Variants in KIF16B observed in about 807,000 individuals in gnomAD.
The protein encoded by KIF16B is kinesin-like protein KIF16B.
KIF16B carries 98 observed loss-of-function variants against 156.3 expected under a neutral mutation model. The ratio of observed to expected loss-of-function variants is 0.63; its 90% CI spans 0.53 to 0.74. KIF16B has a LOEUF of 0.74. Among genes scored for constraint, KIF16B ranks in the 30% least tolerant of loss-of-function variants. The pLI, the probability that KIF16B is intolerant of heterozygous loss-of-function variation, is 0.00. For missense variants in KIF16B, 1,421 were observed against 1,606.5 expected, an observed-to-expected ratio of 0.88 and a Z score of 1.97; for synonymous variants, 564 against 583.7, an observed-to-expected ratio of 0.97 and a Z score of 0.49.
chr20:16,379,942 T>A lies in KIF16B; in HGVS notation c.2060A>T (p.Gln687Leu). ...CTTCTTCTGCAGCTCGATTTCCTGC[T>A]GTTCCCTCAGCCTCTCCTCTTCAAA... is the stretch of plus-strand genomic sequence containing the variant. ...EKFEEERLREQQEIELQKKRQ... is the reference protein window; with the variant it reads ...EKFEEERLRELQEIELQKKRQ... Residue 687 changes from glutamine to leucine, a missense_variant, in exon 19 of 26, where the codon CAG becomes CTG. By Grantham distance (113) the Gln-to-Leu change is moderately radical (BLOSUM62 -2). Transcript: ENST00000354981. The A allele has an allele frequency of 6.2e-7, 1 of 1,614,236 alleles. No individual in the cohort carries two copies. The highest frequency in any genetic ancestry group is 8.5e-7 in the Non-Finnish European group (1 of 1,180,046).
At chr20:16,466,754 A>G (rs186709936) in intron 12 of KIF16B, among the ~76,000 whole-genome samples, 1 of 152,354 alleles carries the variant, frequency 6.6e-6, no homozygotes, top group East Asian at 1.9e-4. Flanking sequence ...ATCAAAACTT[A>G]CTGGAGCAGA....
intron 23 of KIF16B, among the ~76,000 whole-genome samples, chr20:16,347,904 T>A (rs1008689581): frequency 1.3e-5 from 2 of 152,222 alleles, no homozygotes; most frequent in African/African-American, 4.8e-5. Flanking sequence ...AAAAGATGTA[T>A]CTGTACAGAG....
rs151127220 is a variant in KIF16B, at chr20:16,302,880, A to G, written c.3795+9455T>C. On this transcript the variant is annotated intron_variant, in intron 25 of 25. Transcript: ENST00000354981. ...TTCTACAAGCTTGCTACAATCATGT[A>G]TCAATTCCAGGAGTTTTTTTCTTTG... Among the ~76,000 whole-genome samples the G allele has an allele frequency of 1.6e-3, 250 of 152,340 alleles. 1 individual carries two copies. The highest frequency in any genetic ancestry group is 6.8e-3 in the Middle Eastern group (2 of 294).
chr20:16,479,330 G>A (rs2067911663), intron 12 of KIF16B, among the ~76,000 whole-genome samples: 1 of 152,130 alleles, frequency 6.6e-6, no homozygotes, highest in African/African-American at 2.4e-5. Flanking sequence ...GACACAGGGA[G>A]TGGAACAACA....
intron 7 of KIF16B, among the ~76,000 whole-genome samples, chr20:16,506,529 A>G (rs563734059): frequency 1.3e-5 from 2 of 152,344 alleles, no homozygotes; most frequent in East Asian, 3.9e-4. Context: ...ATTCTCATCT[A>G]GAATCCCAGC....
intron 24 of KIF16B, among the ~76,000 whole-genome samples, chr20:16,335,681 G>A (rs1003100453): frequency 6.6e-6 from 1 of 152,172 alleles, no homozygotes; most frequent in Non-Finnish European, 1.5e-5. Context: ...TACTGTCATT[G>A]TAATATCACT....
At chr20:16,462,813 C>A (rs1568562626) in intron 12 of KIF16B, among the ~76,000 whole-genome samples, 3 of 152,124 alleles carry the variant, frequency 2.0e-5, no homozygotes, top group Non-Finnish European at 4.4e-5. Context: ...CAAATGCCAG[C>A]AGCTGTGCCA....
At chr20:16,381,528 CA>C (rs11306679) in intron 18 of KIF16B, among the ~76,000 whole-genome samples, 165 bp downstream of exon 18, 46,616 of 122,572 alleles carry the variant, frequency 0.38, 7,289 homozygotes, top group African/African-American at 0.42. Context: ...CCATCTACTC[CA>C]AAAAAAAAAA....
At chr20:16,546,423 C>T (rs1309301581) in intron 1 of KIF16B, among the ~76,000 whole-genome samples, 3 of 152,098 alleles carry the variant, frequency 2.0e-5, no homozygotes, top group Non-Finnish European at 4.4e-5. Context: ...TAATGTTTAC[C>T]GTGTCTCTAC....
chr20:16,373,185 G>A (rs2064864961), intron 20 of KIF16B, among the ~76,000 whole-genome samples: 1 of 152,006 alleles, frequency 6.6e-6, no homozygotes, highest in Admixed American at 6.5e-5. Context: ...CCCAAATAAA[G>A]CACAATGTTT....
Position 16,277,688 on chromosome 20 carries a change from C to T in KIF16B, c.3796-4277G>A, listed in dbSNP as rs1461183837. 2.6e-5 allele frequency among the ~76,000 whole-genome samples: 4 copies of T among 152,114 alleles called. No individual in the cohort carries two copies. The East Asian group carries it at 7.7e-4, about 29-fold the overall frequency. On this transcript the variant is annotated intron_variant, in intron 25 of 25. Coordinates refer to ENST00000354981, the MANE Select transcript of KIF16B (RefSeq NM_024704.5). ...CAGTCCAGGTGTCAAGCTGCATCTC[C>T]CCAGGTCAGCACGCTTTATAAAAGA...
chr20:16,457,433 T>C (rs946233685), intron 12 of KIF16B, among the ~76,000 whole-genome samples: 1 of 152,198 alleles, frequency 6.6e-6, no homozygotes. Flanking sequence ...TTTGCTCAAA[T>C]AAAATTTAAA....
intron 22 of KIF16B, chr20:16,368,340 A>C (rs2064729454): frequency 1.0e-6 from 1 of 989,778 alleles, no homozygotes; most frequent in Admixed American, 5.9e-5. Context: ...GGCTCCCTGC[A>C]GCTTCGCTCT....
intron 22 of KIF16B, among the ~76,000 whole-genome samples, chr20:16,363,922 T>C (rs1301149592): frequency 2.6e-5 from 4 of 152,244 alleles, no homozygotes; most frequent in Non-Finnish European, 5.9e-5. Flanking sequence ...GGCAGAGTTG[T>C]CTAAGCTACA....
At chr20:16,326,851 A>T (rs1444495921) in intron 24 of KIF16B, among the ~76,000 whole-genome samples, 2 of 151,918 alleles carry the variant, frequency 1.3e-5, no homozygotes, top group African/African-American at 4.8e-5. Context: ...AGAAGTCATT[A>T]TATGAAAAAG....
At chr20:16,352,479 TG>T (rs1417759750) in intron 23 of KIF16B, among the ~76,000 whole-genome samples, 1 of 152,204 alleles carries the variant, frequency 6.6e-6, no homozygotes, top group Admixed American at 6.5e-5. Context: ...AACCTCCTCA[TG>T]GCCCAGCAGG....
At chr20:16,292,457 G>A (rs1167359516) in intron 25 of KIF16B, among the ~76,000 whole-genome samples, 1 of 152,172 alleles carries the variant, frequency 6.6e-6, no homozygotes, top group South Asian at 2.1e-4. Flanking sequence ...AAATAAAGAT[G>A]CAGTTTACAC....
At chr20:16,572,246 A>G (rs2071482879) in intron 1 of KIF16B, among the ~76,000 whole-genome samples, 1 of 152,230 alleles carries the variant, frequency 6.6e-6, no homozygotes, top group Admixed American at 6.5e-5. Flanking sequence ...TGAGTCAAAT[A>G]AGGTTCTGGA....
chr20:16,331,613 G>A (rs1452240889), intron 24 of KIF16B, among the ~76,000 whole-genome samples: 1 of 152,176 alleles, frequency 6.6e-6, no homozygotes, highest in Non-Finnish European at 1.5e-5. Context: ...GCAATTAAGA[G>A]AGCCAGAATA....
Sources: gnomAD v4.1 joint callset for allele counts (sites outside exome capture counted in the v4.1 genomes callset) on GRCh38, gnomAD v4.1.1 for gene constraint, MANE v1.5 for transcripts, NCBI Gene and HGNC (gene_info 2026-07-23, HGNC 2026-07-21) for gene names.